The following SPAG16 variants were observed in gnomAD, a reference collection of about 807,000 sequenced individuals.
SPAG16 encodes the protein sperm associated antigen 16.
Under a neutral mutation model 80.4 loss-of-function variants are expected in SPAG16, and 86 were observed. The observed-to-expected ratio is 1.07, with a 90% CI of 0.90 to 1.28. The LOEUF (loss-of-function observed/expected upper bound fraction) is 1.28. Among genes scored for constraint, SPAG16 ranks in the 50% most tolerant of loss-of-function variants. SPAG16 has a pLI of 0.00. For synonymous variants in SPAG16, 294 were observed against 265.9 expected (o/e 1.11, Z -1.03); for missense variants, 870 against 765.3 (o/e 1.14, Z -1.61).
chr2:213,661,029 T>G (rs1156771869), intron 10 of SPAG16, among the ~76,000 whole-genome samples: 1 of 152,178 alleles, frequency 6.6e-6, no homozygotes, highest in Non-Finnish European at 1.5e-5. Flanking sequence ...CTCTGCCAGA[T>G]TTCGTAGCCC....
intron 11 of SPAG16, among the ~76,000 whole-genome samples, chr2:213,866,460 A>G (rs1341352785): frequency 1.3e-5 from 2 of 152,138 alleles, no homozygotes; most frequent in Admixed American, 6.5e-5. Flanking sequence ...AATAAATTAT[A>G]CTTATAGATA....
intron 9 of SPAG16, among the ~76,000 whole-genome samples, chr2:213,458,664 A>G (rs1255281932): frequency 6.6e-6 from 1 of 152,204 alleles, no homozygotes; most frequent in East Asian, 1.9e-4. Context: ...CATTTTTGAA[A>G]TATATTTTCA....
At chr2:213,977,645 G>A (rs2045484812) in intron 12 of SPAG16, among the ~76,000 whole-genome samples, 1 of 151,974 alleles carries the variant, frequency 6.6e-6, no homozygotes, top group South Asian at 2.1e-4. Flanking sequence ...TAAGATTCTG[G>A]GTTTTTGGTT....
At chr2:213,463,600 A>G (rs2072506512) in intron 9 of SPAG16, among the ~76,000 whole-genome samples, 1 of 152,256 alleles carries the variant, frequency 6.6e-6, no homozygotes, top group Non-Finnish European at 1.5e-5. Context: ...AAGCCTTGGC[A>G]GCTTTCACAT....
intron 15 of SPAG16, among the ~76,000 whole-genome samples, chr2:214,184,667 C>T (rs914014340): frequency 7.9e-5 from 12 of 152,142 alleles, no homozygotes; most frequent in African/African-American, 1.7e-4. Flanking sequence ...CCTGATAGCT[C>T]GCAGACATCT....
intron 10 of SPAG16, among the ~76,000 whole-genome samples, chr2:213,614,360 A>G (rs1285545841): frequency 6.6e-6 from 1 of 152,242 alleles, no homozygotes. Context: ...ATTACTTTGT[A>G]TCTCTCAGTG....
At chr2:213,677,986 A>G (rs1350663805) in intron 10 of SPAG16, among the ~76,000 whole-genome samples, 2 of 150,742 alleles carry the variant, frequency 1.3e-5, no homozygotes, top group African/African-American at 4.9e-5. Context: ...GCTCAACTAC[A>G]TGGAAACTGA....
chr2:213,490,394 A>G (rs950320393), intron 10 of SPAG16, among the ~76,000 whole-genome samples: 16 of 152,178 alleles, frequency 1.1e-4, no homozygotes, highest in Non-Finnish European at 2.4e-4. Flanking sequence ...CTCAGCAACT[A>G]TACATTTCAT....
chr2:213,788,152 A>G (rs2070458802), intron 10 of SPAG16, among the ~76,000 whole-genome samples: 1 of 151,970 alleles, frequency 6.6e-6, no homozygotes, highest in African/African-American at 2.4e-5. Context: ...TTGGATTCCA[A>G]TCCAAAAATT....
intron 10 of SPAG16, among the ~76,000 whole-genome samples, chr2:213,637,621 T>C (rs2062415788): frequency 6.6e-6 from 1 of 152,194 alleles, no homozygotes; most frequent in African/African-American, 2.4e-5. Flanking sequence ...AATCTGCTGC[T>C]TGTTATTGGT....
intron 10 of SPAG16, among the ~76,000 whole-genome samples, chr2:213,699,365 C>T (rs1222598426): frequency 6.6e-6 from 1 of 152,152 alleles, no homozygotes; most frequent in Non-Finnish European, 1.5e-5. Context: ...TTCATAGTTA[C>T]TGTTTACTTT....
intron 10 of SPAG16, among the ~76,000 whole-genome samples, chr2:213,847,764 G>A (rs933732255): frequency 6.6e-6 from 1 of 152,132 alleles, no homozygotes; most frequent in Non-Finnish European, 1.5e-5. Flanking sequence ...ATTAAGGAGA[G>A]AGAAACACTA....
At chr2:214,373,039 A>G (rs1210833679) in intron 15 of SPAG16, among the ~76,000 whole-genome samples, 1 of 152,198 alleles carries the variant, frequency 6.6e-6, no homozygotes, top group Non-Finnish European at 1.5e-5. Context: ...GTCTCTGGGA[A>G]AATCAGAGAG....
chr2:214,206,505 A>C lies in SPAG16; in HGVS notation c.1720+57239A>C, dbSNP rs541258031. 8.5e-5 allele frequency among the ~76,000 whole-genome samples: 13 copies of C among 152,266 alleles called. No homozygotes were observed. The South Asian group carries it at 2.7e-3, about 32-fold the overall frequency. ...ATATTCCATTGTGTATACATGCCAC[A>C]TTATCTGTTCATCTGTTGATGGACA... On this transcript the variant is annotated intron_variant, in intron 15 of 15. Coordinates refer to ENST00000331683, the MANE Select transcript of SPAG16 (RefSeq NM_024532.5).
intron 6 of SPAG16, among the ~76,000 whole-genome samples, chr2:213,348,316 C>G (rs1364269872): frequency 6.6e-6 from 1 of 152,066 alleles, no homozygotes; most frequent in African/African-American, 2.4e-5. Context: ...AATGATGGGT[C>G]TTGACTCCTT....
intron 14 of SPAG16, among the ~76,000 whole-genome samples, chr2:214,147,989 C>T (rs2055746625): frequency 6.6e-6 from 1 of 152,014 alleles, no homozygotes; most frequent in South Asian, 2.1e-4. Context: ...TTAACATTAA[C>T]ATTTTAAATA....
intron 9 of SPAG16, among the ~76,000 whole-genome samples, chr2:213,424,450 CAG>C (rs1221735709): frequency 1.3e-5 from 2 of 152,120 alleles, no homozygotes; most frequent in Non-Finnish European, 2.9e-5. Context: ...CTTTTCTTAG[CAG>C]AGTCATATTA....
intron 9 of SPAG16, among the ~76,000 whole-genome samples, chr2:213,472,901 G>C (rs1338773181): frequency 6.6e-6 from 1 of 152,276 alleles, no homozygotes; most frequent in East Asian, 1.9e-4. Context: ...TAAAATGCTG[G>C]AGGTTTCCTT....
At chr2:214,158,773 ACAAT>A (rs1337636366) in intron 15 of SPAG16, among the ~76,000 whole-genome samples, 1 of 152,014 alleles carries the variant, frequency 6.6e-6, no homozygotes, top group Non-Finnish European at 1.5e-5. Context: ...ATAGGTATAG[ACAAT>A]CAAAAGGTGC....
Sources: gnomAD v4.1 joint callset for allele counts (sites outside exome capture counted in the v4.1 genomes callset) on GRCh38, gnomAD v4.1.1 for gene constraint, MANE v1.5 for transcripts, NCBI Gene and HGNC (gene_info 2026-07-23, HGNC 2026-07-21) for gene names.